Variants in EYS observed in about 807,000 individuals in gnomAD.
EYS encodes EGF-like photoreceptor maintenance factor.
EYS carries 250 observed loss-of-function variants against 282.1 expected under a neutral mutation model. The observed-to-expected ratio is 0.89, with a 90% CI of 0.80 to 0.98. EYS has a LOEUF of 0.98. EYS is among the 50% of genes least tolerant of loss of function. The pLI, the probability that EYS is intolerant of heterozygous loss-of-function variation, is 0.00. For missense variants in EYS, 4,016 were observed against 3,709.0 expected (o/e 1.08, Z -2.15); for synonymous variants, 1,355 against 1,282.9 (o/e 1.06, Z -1.20).
chr6:64,478,104 T>C (rs1478968675), intron 26 of EYS, among the ~76,000 whole-genome samples: 3 of 152,076 alleles, frequency 2.0e-5, no homozygotes, highest in Admixed American at 6.6e-5. Context: ...CTTAATATAC[T>C]GAGTTTTACA....
chr6:64,512,891 TC>T (rs1464337812), intron 26 of EYS, among the ~76,000 whole-genome samples: 2 of 151,944 alleles, frequency 1.3e-5, no homozygotes, highest in Non-Finnish European at 2.9e-5. Flanking sequence ...TTTTATGTAC[TC>T]TCCATCTTTA....
intron 35 of EYS, among the ~76,000 whole-genome samples, chr6:63,940,697 A>T (rs1306547393): frequency 6.6e-6 from 1 of 151,338 alleles, no homozygotes; most frequent in Non-Finnish European, 1.5e-5. Flanking sequence ...TTTTTTTTTA[A>T]TCATACTTTA....
intron 36 of EYS, among the ~76,000 whole-genome samples, chr6:63,849,709 A>T (rs1300937560): frequency 6.6e-6 from 1 of 152,232 alleles, no homozygotes; most frequent in Non-Finnish European, 1.5e-5. Context: ...TAAACCCACA[A>T]AGATGAGGAA....
chr6:64,131,419 G>A (rs1383999887), intron 31 of EYS, among the ~76,000 whole-genome samples: 2 of 152,164 alleles, frequency 1.3e-5, no homozygotes, highest in Non-Finnish European at 2.9e-5. Context: ...CTTGCAAATC[G>A]TGGAGGCAGG....
At chr6:64,622,433 C>T (rs1767474934) in intron 23 of EYS, among the ~76,000 whole-genome samples, 1 of 152,078 alleles carries the variant, frequency 6.6e-6, no homozygotes, top group African/African-American at 2.4e-5. Flanking sequence ...TCTTCTAACC[C>T]ACTTATATCC....
chr6:65,427,732 T>A (rs1416662695), intron 5 of EYS, among the ~76,000 whole-genome samples: 1 of 152,056 alleles, frequency 6.6e-6, no homozygotes, highest in African/African-American at 2.4e-5. Flanking sequence ...TAACTCACCA[T>A]CTGTAATAAA....
intron 12 of EYS, among the ~76,000 whole-genome samples, chr6:65,186,251 G>C (rs1765515044): frequency 6.6e-6 from 1 of 151,708 alleles, no homozygotes; most frequent in Admixed American, 6.6e-5. Flanking sequence ...TGTTCTTTAA[G>C]AAAATATTTT....
intron 13 of EYS, among the ~76,000 whole-genome samples, chr6:65,010,063 GGCCCTAACCCAA>G (rs1490308776): frequency 6.6e-6 from 1 of 152,162 alleles, no homozygotes; most frequent in East Asian, 1.9e-4. Flanking sequence ...CCCTAAAGAA[GGCCCTAACCCAA>G]GCCCCAGTGT....
chr6:64,235,386 A>G (rs928138456), intron 30 of EYS, among the ~76,000 whole-genome samples: 6 of 151,840 alleles, frequency 4.0e-5, no homozygotes, highest in Non-Finnish European at 8.8e-5. Context: ...GATGATTTCC[A>G]ATTTCATCCA....
intron 22 of EYS, among the ~76,000 whole-genome samples, chr6:64,775,252 C>T (rs1275229935): frequency 6.6e-6 from 1 of 151,966 alleles, no homozygotes; most frequent in Admixed American, 6.6e-5. Context: ...ACCAAATAGA[C>T]TTCTGCTCAT....
At chr6:64,037,571 T>C (rs924873942) in intron 33 of EYS, among the ~76,000 whole-genome samples, 2 of 152,168 alleles carry the variant, frequency 1.3e-5, no homozygotes, top group African/African-American at 4.8e-5. Context: ...ATGAGAAATA[T>C]GATAGATTTC....
chr6:63,990,744 T>C (rs1013408695), intron 34 of EYS, among the ~76,000 whole-genome samples: 7 of 151,556 alleles, frequency 4.6e-5, no homozygotes, highest in African/African-American at 1.7e-4. Context: ...GTCTCACTAG[T>C]TTCTGTCTCA....
In EYS at chr6:63,876,255, G is replaced by A. The variant is rs931784481; in HGVS notation, c.7056-11897C>T. Among the ~76,000 whole-genome samples, 9 of 152,306 alleles carry A rather than the reference G, an allele frequency of 5.9e-5. No homozygotes were observed. The South Asian group carries it at 1.2e-3, about 21-fold the overall frequency. ...CCCAGTAGTCATTCAGGAGCAGGTTGTTCAGTTTCCATGTAGTTGAGCGGT... is the reference window on the plus strand; with the variant it reads ...CCCAGTAGTCATTCAGGAGCAGGTTATTCAGTTTCCATGTAGTTGAGCGGT... On this transcript the variant is annotated intron_variant, in intron 35 of 42. Coordinates refer to ENST00000503581, the MANE Select transcript of EYS (RefSeq NM_001142800.2).
intron 41 of EYS, among the ~76,000 whole-genome samples, chr6:63,729,603 T>G (rs1251355813): frequency 6.6e-6 from 1 of 152,138 alleles, no homozygotes; most frequent in Non-Finnish European, 1.5e-5. Flanking sequence ...CCCCATTTTA[T>G]TCTTCTTCCT....
chr6:65,028,700 G>T (rs1772503970), intron 13 of EYS, among the ~76,000 whole-genome samples: 1 of 152,014 alleles, frequency 6.6e-6, no homozygotes, highest in Admixed American at 6.6e-5. Context: ...TTTTAGTTAG[G>T]TTGTTCTAAT....
intron 1 of EYS, among the ~76,000 whole-genome samples, chr6:65,705,013 G>A (rs548462199): frequency 6.6e-6 from 1 of 152,138 alleles, no homozygotes; most frequent in East Asian, 1.9e-4. Context: ...TCTTAAAATG[G>A]TATTTTTTTC....
At position 65,353,617 on chromosome 6, in the gene EYS, A is replaced by G. The variant is rs1764369029; in HGVS notation, c.1300T>C (p.Tyr434His). 1.2e-6 allele frequency: 2 copies of G among 1,611,846 alleles called. No individual in the cohort carries two copies. The highest frequency in any genetic ancestry group is 1.7e-6 in the Non-Finnish European group (2 of 1,178,306). The change falls in exon 9 of 43, where the codon TAT becomes CAT. Residue 434 changes from tyrosine to histidine, a missense_variant and splice_region_variant. Coordinates refer to ENST00000503581, the MANE Select transcript of EYS (RefSeq NM_001142800.2). ...WCFNIIGRFK[Y>H]VCIPGCTKNP... The stretch of plus-strand genomic sequence containing the variant: ...TTTGTGCACCCTGGAATGCATACAT[A>G]CTGCAAAAAGGAAACAAGGAAAAAT...
At chr6:64,745,756 G>T (rs1392459400) in intron 22 of EYS, among the ~76,000 whole-genome samples, 1 of 152,096 alleles carries the variant, frequency 6.6e-6, no homozygotes, top group African/African-American at 2.4e-5. Flanking sequence ...TCTTATAAAG[G>T]TTCTCCATTG....
At chr6:64,583,506 T>C (rs1766138719) in intron 26 of EYS, among the ~76,000 whole-genome samples, 4 of 152,058 alleles carry the variant, frequency 2.6e-5, no homozygotes, top group Non-Finnish European at 4.4e-5. Flanking sequence ...AATAAAATGA[T>C]GTGATTAGGC....
Sources: gnomAD v4.1 joint callset for allele counts (sites outside exome capture counted in the v4.1 genomes callset) on GRCh38, gnomAD v4.1.1 for gene constraint, MANE v1.5 for transcripts, NCBI Gene and HGNC (gene_info 2026-07-23, HGNC 2026-07-21) for gene names.